Variants in NGLY1 observed in about 807,000 individuals in gnomAD.
NGLY1 encodes N-glycanase 1.
A neutral mutation model predicts 84.6 loss-of-function variants in NGLY1; 68 were observed. That is an observed-to-expected ratio of 0.80 (90% confidence interval 0.66 to 0.98). The LOEUF is 0.98. Ranked by LOEUF, NGLY1 falls within the 50% of genes least tolerant of loss-of-function variation. The pLI is 0.00. For missense variants in NGLY1, 779 were observed against 770.2 expected, an observed-to-expected ratio of 1.01 and a Z score of -0.14; for synonymous variants, 280 against 275.2, an observed-to-expected ratio of 1.02 and a Z score of -0.17.
At chr3:25,767,309 A>T (rs1293056552) in intron 2 of NGLY1, among the ~76,000 whole-genome samples, 1 of 152,102 alleles carries the variant, frequency 6.6e-6, no homozygotes, top group Non-Finnish European at 1.5e-5. Context: ...AAAAAAAAGA[A>T]ATCAAAAAGA....
At chr3:25,766,991 T>A (rs1707610901) in intron 2 of NGLY1, among the ~76,000 whole-genome samples, 1 of 152,196 alleles carries the variant, frequency 6.6e-6, no homozygotes, top group Admixed American at 6.5e-5. Context: ...GATTTAATAA[T>A]ATTTTAAGAA....
chr3:25,723,104 G>A (rs1460016446), intron 10 of NGLY1, among the ~76,000 whole-genome samples: 1 of 152,050 alleles, frequency 6.6e-6, no homozygotes, highest in African/African-American at 2.4e-5. Context: ...AATATGATAG[G>A]CTGAAATTAC....
intron 4 of NGLY1, among the ~76,000 whole-genome samples, chr3:25,748,684 C>G (rs1286709879): frequency 6.6e-6 from 1 of 152,138 alleles, no homozygotes; most frequent in African/African-American, 2.4e-5. Flanking sequence ...GACTCCAAAA[C>G]CTACTCTTAA....
chr3:25,749,880 G>A, intron 4 of NGLY1: 1 of 873,786 alleles, frequency 1.1e-6, no homozygotes, highest in Non-Finnish European at 1.9e-6. Flanking sequence ...AGGCTGCACA[G>A]CGAAGAAAAT....
chr3:25,760,614 C>T (rs1036580362), intron 3 of NGLY1, among the ~76,000 whole-genome samples: 18 of 152,218 alleles, frequency 1.2e-4, no homozygotes, highest in Admixed American at 5.2e-4. Flanking sequence ...TAACCCAGCA[C>T]TTTGGGAGGC....
At chr3:25,743,731 G>T (rs565637140) in intron 4 of NGLY1, among the ~76,000 whole-genome samples, 1 of 152,216 alleles carries the variant, frequency 6.6e-6, no homozygotes, top group South Asian at 2.1e-4. Context: ...ACTTAGAATT[G>T]TAATTGTTCA....
At chr3:25,770,734 C>A (rs1292715532) in intron 2 of NGLY1, among the ~76,000 whole-genome samples, 2 of 152,058 alleles carry the variant, frequency 1.3e-5, no homozygotes, top group South Asian at 2.1e-4. Flanking sequence ...TTTTTTGATT[C>A]TTTAATTATG....
Position 25,736,145 on chromosome 3 carries a change from A to G in NGLY1, c.1008T>C (p.His336=), listed in dbSNP as rs772272234. 1 of 1,612,302 alleles carries G rather than the reference A, an allele frequency of 6.2e-7. No homozygotes were observed. Among genetic ancestry groups the G allele is most frequent in the Admixed American group, 1.7e-5 (1 of 59,546 alleles). The part of the protein sequence containing the change: ...EARYVWDYTD[H]VWTEVYSPSQ... ...AAGGAGAATAGACTTCTGTCCAGAC[A>G]TGGTCTACTCAAGTAAGAGAAAAGA... Residue 336 remains histidine (H), a synonymous_variant, in exon 7 of 12, where the codon CAT becomes CAC. Transcript: ENST00000280700.
rs111894905 is a variant in NGLY1, at chr3:25,777,379, G to C, written c.246+1195C>G. ...CACCGCACTCCAGCCTGGGCAACAA[G>C]AGCGAAACTCCATCTCAAAAAAAAA... On this transcript the variant is annotated intron_variant, in intron 2 of 11. Coordinates refer to ENST00000280700, the MANE Select transcript of NGLY1 (RefSeq NM_018297.4). 5.9e-3 allele frequency among the ~76,000 whole-genome samples: 749 copies of C among 126,712 alleles called. 2 individuals are homozygous for C. Among genetic ancestry groups the C allele is most frequent in the Admixed American group, 0.014 (157 of 10,900 alleles). 83.1% of individuals were successfully genotyped at this position (126,712 alleles called of 152,430 possible). A position where few individuals can be genotyped will look rare whatever the true frequency, so the allele number is the denominator to read the frequency against.
intron 1 of NGLY1, among the ~76,000 whole-genome samples, chr3:25,782,427 C>CT (rs1193770601): frequency 1.3e-5 from 2 of 152,116 alleles, no homozygotes; most frequent in African/African-American, 4.8e-5. Context: ...TTTCCCTACC[C>CT]CCCCACACCA....
chr3:25,768,837 T>C (rs967729079), intron 2 of NGLY1, among the ~76,000 whole-genome samples: 4 of 151,648 alleles, frequency 2.6e-5, no homozygotes, highest in Non-Finnish European at 4.4e-5. Flanking sequence ...CCACGGCGCC[T>C]GGCCTCATGA....
At chr3:25,787,646 AGAG>A (rs780674814), upstream of NGLY1, among the ~76,000 whole-genome samples, 19 of 152,222 alleles carry the variant, frequency 1.2e-4, no homozygotes, top group Admixed American at 6.5e-4. Flanking sequence ...TGTCCTTTCT[AGAG>A]GAGTTTAGAA....
chr3:25,735,129 TAGG>T (rs1311725220), intron 7 of NGLY1: 1 of 153,078 alleles, frequency 6.5e-6, no homozygotes, highest in Non-Finnish European at 1.4e-5. Flanking sequence ...AAACAAAACA[TAGG>T]AGAAAATCAT....
intron 4 of NGLY1, among the ~76,000 whole-genome samples, chr3:25,746,087 A>G (rs755902723): frequency 6.6e-6 from 1 of 152,194 alleles, no homozygotes; most frequent in African/African-American, 2.4e-5. Context: ...CTGAAATTCA[A>G]TGTCAACCAA....
chr3:25,774,040 G>C (rs1250004788), intron 2 of NGLY1, among the ~76,000 whole-genome samples: 1 of 152,236 alleles, frequency 6.6e-6, no homozygotes, highest in Non-Finnish European at 1.5e-5. Flanking sequence ...AGTGGACTCT[G>C]TGTGGGACCT....
chr3:25,769,654 T>C (rs1281940307), intron 2 of NGLY1, among the ~76,000 whole-genome samples: 1 of 152,100 alleles, frequency 6.6e-6, no homozygotes, highest in Non-Finnish European at 1.5e-5. Context: ...TCAAAAAAAC[T>C]AAAAATAGAA....
chr3:25,735,020 A>G (rs775914143), intron 7 of NGLY1: 3 of 265,184 alleles, frequency 1.1e-5, no homozygotes, highest in Non-Finnish European at 1.2e-5. Context: ...ACAATTCATT[A>G]TCCATATGTA....
rs1481243971 is a variant in NGLY1 at position 25,729,062 on chromosome 3, GA to G, written c.1611+70del. On this transcript the variant is annotated intron_variant, in intron 10 of 11. Coordinates refer to ENST00000280700, the MANE Select transcript of NGLY1 (RefSeq NM_018297.4). The stretch of plus-strand genomic sequence containing the variant: ...ATCAGTTTTCATATTTTACACAACT[GA>G]AAAATGAAGCCAATCTATATTTGTT... The G allele has an allele frequency of 5.6e-6, 6 of 1,080,488 alleles. No individual in the cohort carries two copies. In the African/African-American group the frequency reaches 8.1e-5, roughly 15 times the overall value. 66.9% of individuals were successfully genotyped at this position (1,080,488 alleles called of 1,614,324 possible). A position where few individuals can be genotyped will look rare whatever the true frequency, so the allele number is the denominator to read the frequency against.
Position 25,747,403 on chromosome 3 carries a change from C to G in NGLY1, c.658+3695G>C, listed in dbSNP as rs184765466. 1.1e-4 allele frequency among the ~76,000 whole-genome samples: 16 copies of G among 152,268 alleles called. 1 individual carries two copies. Among genetic ancestry groups the G allele is most frequent in the African/African-American group, 3.6e-4 (15 of 41,554 alleles). ...AAGAGAACAACTGTCTTAAGGTTAG[C>G]AGGCCTGTAGCAGAAGTAAATCTAA... On this transcript the variant is annotated intron_variant, in intron 4 of 11. Coordinates refer to ENST00000280700, the MANE Select transcript of NGLY1 (RefSeq NM_018297.4).
Sources: gnomAD v4.1 joint callset for allele counts (sites outside exome capture counted in the v4.1 genomes callset) on GRCh38, gnomAD v4.1.1 for gene constraint, MANE v1.5 for transcripts, NCBI Gene and HGNC (gene_info 2026-07-23, HGNC 2026-07-21) for gene names.